The following NPAS2 variants were observed in gnomAD, a reference collection of about 807,000 sequenced individuals.
NPAS2 encodes neuronal PAS domain-containing protein 2.
Under a neutral mutation model 107.5 loss-of-function variants are expected in NPAS2, and 23 were observed. The observed-to-expected ratio is 0.21, with a 90% confidence interval of 0.15 to 0.30. NPAS2 has a LOEUF of 0.30. Ranked by LOEUF, NPAS2 falls within the 10% of genes least tolerant of loss-of-function variation. The probability of loss-of-function intolerance (pLI) is 1.00; values close to 1 mark genes in which losing one functional copy is unlikely to be tolerated. For missense variants in NPAS2, 756 were observed against 1,043.3 expected, an observed-to-expected ratio of 0.72 and a Z score of 3.79; for synonymous variants, 403 against 417.5, an observed-to-expected ratio of 0.97 and a Z score of 0.42.
chr2:100,937,255 A>G (rs1400343900), intron 4 of NPAS2, among the ~76,000 whole-genome samples: 3 of 152,222 alleles, frequency 2.0e-5, no homozygotes, highest in Non-Finnish European at 4.4e-5. Flanking sequence ...TCTTGTGGCA[A>G]TGAATGTGAG....
chr2:100,826,538 AC>A (rs751280398), intron 1 of NPAS2, among the ~76,000 whole-genome samples: 1 of 152,230 alleles, frequency 6.6e-6, no homozygotes, highest in Non-Finnish European at 1.5e-5. Flanking sequence ...TTAATGACAT[AC>A]CTTTTTCTTT....
At chr2:100,852,588 A>C (rs1461819613) in intron 1 of NPAS2, among the ~76,000 whole-genome samples, 1 of 152,024 alleles carries the variant, frequency 6.6e-6, no homozygotes, top group Non-Finnish European at 1.5e-5. Flanking sequence ...TGGCCCCACA[A>C]ACCTGTCCTT....
chr2:100,873,590 T>C (rs954784183), intron 1 of NPAS2, among the ~76,000 whole-genome samples: 2 of 151,978 alleles, frequency 1.3e-5, no homozygotes, highest in Non-Finnish European at 2.9e-5. Flanking sequence ...ACATAGATAG[T>C]CCTTTAAACC....
intron 1 of NPAS2, among the ~76,000 whole-genome samples, chr2:100,870,672 G>T (rs563179050): frequency 6.6e-6 from 1 of 152,316 alleles, no homozygotes; most frequent in Admixed American, 6.5e-5. Context: ...GATTACAGGC[G>T]TGAGTCACCA....
intron 1 of NPAS2, among the ~76,000 whole-genome samples, chr2:100,835,325 G>A (rs933339488): frequency 6.6e-6 from 1 of 152,188 alleles, no homozygotes; most frequent in African/African-American, 2.4e-5. Flanking sequence ...TTGCTTTGAA[G>A]AAAATAGGAT....
At chr2:100,995,182 C>A in intron 20 of NPAS2, 1 of 477,168 alleles carries the variant, frequency 2.1e-6, no homozygotes, top group South Asian at 5.3e-5. Context: ...CCACTATTGG[C>A]GGAGAACTTA....
At chr2:100,840,014 G>T (rs1315024377) in intron 1 of NPAS2, among the ~76,000 whole-genome samples, 1 of 152,144 alleles carries the variant, frequency 6.6e-6, no homozygotes, top group Non-Finnish European at 1.5e-5. Context: ...TCTATATTCA[G>T]GGAATTTTAT....
chr2:100,842,856 T>C (rs1485083540), intron 1 of NPAS2, among the ~76,000 whole-genome samples: 4 of 152,152 alleles, frequency 2.6e-5, no homozygotes, highest in Admixed American at 1.3e-4. Flanking sequence ...AGCTGGATTC[T>C]TTTTACAGAA....
chr2:100,917,144 A>G (rs1375784646), intron 2 of NPAS2, among the ~76,000 whole-genome samples: 3 of 152,226 alleles, frequency 2.0e-5, no homozygotes, highest in Admixed American at 2.0e-4. Flanking sequence ...TCACAGCAAG[A>G]AAGATGGAAA....
At chr2:100,934,623 C>T (rs1296428917) in intron 4 of NPAS2, among the ~76,000 whole-genome samples, 2 of 152,320 alleles carry the variant, frequency 1.3e-5, no homozygotes, top group East Asian at 3.9e-4. Flanking sequence ...GAAAGTCCAC[C>T]AACTAGTACT....
intron 1 of NPAS2, among the ~76,000 whole-genome samples, chr2:100,844,789 C>G (rs1158013600): frequency 2.0e-5 from 3 of 152,150 alleles, no homozygotes; most frequent in Non-Finnish European, 2.9e-5. Context: ...CGCCTCTTTC[C>G]AGAGCAACAG....
intron 2 of NPAS2, among the ~76,000 whole-genome samples, chr2:100,914,921 AC>A (rs1401755507): frequency 6.6e-6 from 1 of 152,076 alleles, no homozygotes. Context: ...CAGCGAGTTC[AC>A]CATTTTTTCC....
chr2:100,909,104 AG>A (rs1682358031), intron 2 of NPAS2, among the ~76,000 whole-genome samples: 1 of 152,184 alleles, frequency 6.6e-6, no homozygotes, highest in African/African-American at 2.4e-5. Flanking sequence ...CCTGGGGTGG[AG>A]GAAAAGGATA....
At chr2:100,862,694 CT>C (rs1359605151) in intron 1 of NPAS2, among the ~76,000 whole-genome samples, 1 of 152,180 alleles carries the variant, frequency 6.6e-6, no homozygotes, top group Non-Finnish European at 1.5e-5. Context: ...ACTGCCGTTC[CT>C]TTTTCACACC....
chr2:100,838,314 G>A (rs1677189453), intron 1 of NPAS2, among the ~76,000 whole-genome samples: 1 of 151,616 alleles, frequency 6.6e-6, no homozygotes, highest in South Asian at 2.1e-4. Context: ...TTTTGCTCTT[G>A]TTGCCCAGGC....
chr2:100,949,539 G>A, intron 7 of NPAS2, 59 bp downstream of exon 7: 2 of 1,005,670 alleles, frequency 2.0e-6, no homozygotes, highest in Non-Finnish European at 3.1e-6. Context: ...ACGTGCACAT[G>A]GGGGCATTAA....
rs368521979 is a variant in NPAS2 at position 100,824,294 on chromosome 2, T to C, written c.-23+3880T>C. On this transcript the variant is annotated intron_variant, in intron 1 of 20. Transcript: ENST00000335681. ...TAATCAGAGGCAAAATGGAAAATTA[T>C]TGGGAGCATGCTTATCTCCACCCTC... Among the ~76,000 whole-genome samples, 123 of 152,318 alleles carry C rather than the reference T, an allele frequency of 8.1e-4. 1 individual carries two copies. The South Asian group carries it at 0.012, about 14-fold the overall frequency.
chr2:100,875,295 G>A (rs10179995), intron 1 of NPAS2, among the ~76,000 whole-genome samples: 1 of 152,124 alleles, frequency 6.6e-6, no homozygotes, highest in Non-Finnish European at 1.5e-5. Flanking sequence ...CAGGCAATGG[G>A]GAGTTAGTGT....
intron 7 of NPAS2, among the ~76,000 whole-genome samples, chr2:100,961,382 TG>T (rs1407203926): frequency 6.6e-6 from 1 of 152,236 alleles, no homozygotes; most frequent in African/African-American, 2.4e-5. Context: ...GTTTTCTCCT[TG>T]GCCTCTATTA....
Sources: allele counts gnomAD v4.1 joint callset (sites outside exome capture counted in the v4.1 genomes callset), GRCh38; gene constraint gnomAD v4.1.1; transcripts MANE v1.5; gene names NCBI Gene and HGNC (gene_info 2026-07-23, HGNC 2026-07-21).